GALNT13: variants seen among roughly 807,000 people sequenced by gnomAD.
GALNT13 encodes polypeptide N-acetylgalactosaminyltransferase 13, also known as UDP-GalNAc:polypeptide N-acetylgalactosaminyltransferase 13.
In GALNT13, 28 loss-of-function variants were observed where a neutral mutation model predicts 64.2. The ratio of observed to expected loss-of-function variants is 0.44; its 90% CI spans 0.32 to 0.60. The LOEUF is 0.60. Among genes scored for constraint, GALNT13 ranks in the 20% least tolerant of loss-of-function variants. GALNT13 has a pLI of 0.05. For synonymous variants in GALNT13, 214 were observed against 224.6 expected (o/e 0.95, Z 0.42); for missense variants, 577 against 669.8 (o/e 0.86, Z 1.53).
At chr2:154,401,484 A>G (rs1284444254) in intron 10 of GALNT13, among the ~76,000 whole-genome samples, 4 of 152,104 alleles carry the variant, frequency 2.6e-5, no homozygotes, top group Non-Finnish European at 5.9e-5. Context: ...GTTTCTGAAT[A>G]TGTGTATGTG....
At chr2:153,350,827 A>C in the GALNT13 span, among the ~76,000 whole-genome samples, 1 of 152,168 alleles carries the variant, frequency 6.6e-6, no homozygotes, top group Admixed American at 6.5e-5. Flanking sequence ...CACCCAAGTT[A>C]AGAACAAATG....
At chr2:154,224,447 C>A (rs1236456665) in intron 4 of GALNT13, among the ~76,000 whole-genome samples, 3 of 151,270 alleles carry the variant, frequency 2.0e-5, no homozygotes, top group Non-Finnish European at 4.4e-5. Flanking sequence ...AATAAAGGGG[C>A]TCACAAGAAA....
chr2:154,304,391 T>A (rs1331770819), intron 9 of GALNT13, among the ~76,000 whole-genome samples: 1 of 152,210 alleles, frequency 6.6e-6, no homozygotes, highest in Non-Finnish European at 1.5e-5. Flanking sequence ...TGAATTCAAA[T>A]CATTACTTGT....
chr2:153,245,689 G>GA, the GALNT13 span, among the ~76,000 whole-genome samples: 1 of 152,138 alleles, frequency 6.6e-6, no homozygotes, highest in African/African-American at 2.4e-5. Context: ...TGAAGATGAG[G>GA]AAAAACCAGT....
At chr2:153,754,972 G>A in the GALNT13 span, among the ~76,000 whole-genome samples, 1 of 152,144 alleles carries the variant, frequency 6.6e-6, no homozygotes, top group Middle Eastern at 3.4e-3. Flanking sequence ...TTCTATAACA[G>A]GATAGCACTG....
the GALNT13 span, among the ~76,000 whole-genome samples, chr2:153,606,564 A>G: frequency 3.3e-5 from 5 of 152,210 alleles, no homozygotes; most frequent in African/African-American, 7.2e-5. Flanking sequence ...TCTTCTTCCA[A>G]TGTGGCCCAG....
At chr2:153,653,441 T>C in the GALNT13 span, among the ~76,000 whole-genome samples, 2 of 152,190 alleles carry the variant, frequency 1.3e-5, no homozygotes, top group Admixed American at 6.6e-5. Context: ...TAAAATTATT[T>C]AGTTGTTCTA....
At chr2:154,006,072 A>G (rs1696229752) in intron 3 of GALNT13, among the ~76,000 whole-genome samples, 1 of 152,212 alleles carries the variant, frequency 6.6e-6, no homozygotes, top group South Asian at 2.1e-4. Context: ...TGTTAATGAT[A>G]AAGAGAACTT....
intron 1 of GALNT13, among the ~76,000 whole-genome samples, chr2:153,899,891 C>T (rs938640244): frequency 2.0e-4 from 29 of 148,644 alleles, no homozygotes; most frequent in Admixed American, 1.8e-3. Context: ...AAAGAACACA[C>T]TGTATTTTTG....
At chr2:154,227,261 A>G (rs1688668079) in intron 4 of GALNT13, among the ~76,000 whole-genome samples, 3 of 152,026 alleles carry the variant, frequency 2.0e-5, no homozygotes, top group Admixed American at 6.6e-5. Context: ...TCTGGATACA[A>G]AGGCTTCATT....
the GALNT13 span, among the ~76,000 whole-genome samples, chr2:153,452,908 A>C: frequency 5.7e-3 from 875 of 152,338 alleles, 4 homozygotes; most frequent in Middle Eastern, 0.027. Flanking sequence ...ATAGCATGGT[A>C]CTGGCACAAA....
the GALNT13 span, among the ~76,000 whole-genome samples, chr2:153,472,112 C>G: frequency 1.3e-5 from 2 of 152,176 alleles, no homozygotes; most frequent in African/African-American, 4.8e-5. Flanking sequence ...ACTCTGGATC[C>G]CAGAGGGATT....
chr2:153,455,436 G>A, the GALNT13 span, among the ~76,000 whole-genome samples: 1 of 152,198 alleles, frequency 6.6e-6, no homozygotes, highest in Admixed American at 6.5e-5. Flanking sequence ...GAGCGAATGA[G>A]TGCGGGAACG....
the GALNT13 span, among the ~76,000 whole-genome samples, chr2:153,257,138 C>T: frequency 3.3e-5 from 5 of 152,304 alleles, no homozygotes; most frequent in East Asian, 1.9e-4. Context: ...AGCCAGGTGC[C>T]GGATATAATC....
At chr2:153,253,078 G>A in the GALNT13 span, among the ~76,000 whole-genome samples, 1 of 151,828 alleles carries the variant, frequency 6.6e-6, no homozygotes, top group African/African-American at 2.4e-5. Flanking sequence ...CCATTTTCAT[G>A]ATATTGATTC....
intron 9 of GALNT13, among the ~76,000 whole-genome samples, chr2:154,355,188 G>A (rs891897147): frequency 6.6e-6 from 1 of 152,024 alleles, no homozygotes; most frequent in East Asian, 1.9e-4. Flanking sequence ...TGTATAGCCT[G>A]TAGATATTCA....
At chr2:153,433,184 A>C in the GALNT13 span, among the ~76,000 whole-genome samples, 1 of 152,204 alleles carries the variant, frequency 6.6e-6, no homozygotes, top group Non-Finnish European at 1.5e-5. Context: ...AAAAATAAAA[A>C]GTCTCATCAT....
the GALNT13 span, among the ~76,000 whole-genome samples, chr2:153,425,318 TTTA>T: frequency 7.3e-5 from 11 of 151,668 alleles, no homozygotes; most frequent in Non-Finnish European, 1.5e-4. Flanking sequence ...TTTGCAATAT[TTTA>T]TTATTAAAAA....
chr2:154,022,215 C>T (rs921848301), intron 3 of GALNT13, among the ~76,000 whole-genome samples: 1 of 152,168 alleles, frequency 6.6e-6, no homozygotes, highest in Admixed American at 6.5e-5. Flanking sequence ...ATGCTGGCCT[C>T]ATAAAATGAG....
Sources: allele counts gnomAD v4.1 joint callset (sites outside exome capture counted in the v4.1 genomes callset), GRCh38; gene constraint gnomAD v4.1.1; transcripts MANE v1.5; gene names NCBI Gene and HGNC (gene_info 2026-07-23, HGNC 2026-07-21).